The following SNAP47 variants were observed in gnomAD, a reference collection of about 807,000 sequenced individuals.
The protein encoded by SNAP47 is synaptosomal-associated protein 47.
In SNAP47, 20 loss-of-function variants were observed where a neutral mutation model predicts 31.4. The ratio of observed to expected loss-of-function variants is 0.64; its 90% CI spans 0.45 to 0.93. The LOEUF (loss-of-function observed/expected upper bound fraction) is 0.93. Ranked by LOEUF, SNAP47 falls within the 40% of genes least tolerant of loss-of-function variation. SNAP47 has a pLI of 0.00. For missense variants in SNAP47, 492 were observed against 528.5 expected (o/e 0.93, Z 0.68); for synonymous variants, 194 against 213.4 (o/e 0.91, Z 0.79).
At chr1:227,728,946 G>A (rs375595714) in intron 1 of SNAP47, among the ~76,000 whole-genome samples, 1 of 152,188 alleles carries the variant, frequency 6.6e-6, no homozygotes, top group African/African-American at 2.4e-5. Flanking sequence ...CGCAGGGGAG[G>A]GGGGCGGCAG....
At chr1:227,765,819 G>A (rs971981741) in intron 3 of SNAP47, among the ~76,000 whole-genome samples, 24 of 152,160 alleles carry the variant, frequency 1.6e-4, no homozygotes, top group African/African-American at 5.6e-4. Context: ...GTGGCCCTGG[G>A]CAAGGCTGGT....
At chr1:227,753,945 T>C (rs779215525) in intron 2 of SNAP47, among the ~76,000 whole-genome samples, 43 of 152,204 alleles carry the variant, frequency 2.8e-4, no homozygotes, top group Non-Finnish European at 2.9e-5. Context: ...TTTAGCCATC[T>C]GTAGGTGGCT....
chr1:227,740,268 C>T (rs944386298), intron 1 of SNAP47, among the ~76,000 whole-genome samples: 1 of 152,178 alleles, frequency 6.6e-6, no homozygotes, highest in Non-Finnish European at 1.5e-5. Flanking sequence ...GCAGGGAGGC[C>T]GCAGGTCCTG....
At chr1:227,754,177 C>G (rs1397542032) in intron 2 of SNAP47, among the ~76,000 whole-genome samples, 1 of 152,236 alleles carries the variant, frequency 6.6e-6, no homozygotes, top group Non-Finnish European at 1.5e-5. Context: ...CTGGGCTCTC[C>G]TCCAACTGCC....
At chr1:227,774,528 C>T (rs1664037543) in intron 4 of SNAP47, among the ~76,000 whole-genome samples, 1 of 152,200 alleles carries the variant, frequency 6.6e-6, no homozygotes, top group South Asian at 2.1e-4. Context: ...TTCCTGTCCC[C>T]TCCATGCACA....
chr1:227,773,554 G>C (rs1390612584), intron 4 of SNAP47, among the ~76,000 whole-genome samples: 8 of 152,206 alleles, frequency 5.3e-5, no homozygotes, highest in Admixed American at 5.2e-4. Flanking sequence ...TCATGCCTAA[G>C]CCTTCACGCT....
At chr1:227,750,867 A>G (rs1662302850) in intron 2 of SNAP47, among the ~76,000 whole-genome samples, 2 of 152,306 alleles carry the variant, frequency 1.3e-5, no homozygotes, top group Middle Eastern at 3.4e-3. Context: ...GTGTGGCCAC[A>G]TGGCATCAGT....
intron 4 of SNAP47, among the ~76,000 whole-genome samples, chr1:227,769,804 G>A (rs531073508): frequency 7.9e-5 from 12 of 152,334 alleles, no homozygotes; most frequent in Non-Finnish European, 1.5e-4. Context: ...GAATCCACTA[G>A]GGCCCACGCC....
upstream of SNAP47, chr1:227,733,162 G>T: frequency 9.5e-7 from 1 of 1,055,800 alleles, no homozygotes; most frequent in East Asian, 2.6e-5. Flanking sequence ...TCCCAGCAGG[G>T]CTTGCTCAGC....
chr1:227,749,063 T>C (rs1572004925), intron 2 of SNAP47, among the ~76,000 whole-genome samples: 1 of 152,368 alleles, frequency 6.6e-6, no homozygotes, highest in East Asian at 1.9e-4. Context: ...CTTAGAACTC[T>C]TTTGTGTTCC....
intron 2 of SNAP47, among the ~76,000 whole-genome samples, chr1:227,750,309 C>T (rs893845811): frequency 1.3e-5 from 2 of 152,226 alleles, no homozygotes; most frequent in African/African-American, 2.4e-5. Context: ...CTCTGTTTCT[C>T]GGATCAGTTC....
rs753354983 is a variant in SNAP47, at chr1:227,759,406, G to A, written c.909G>A (p.Glu303=). The change falls in exon 3 of 5, where the codon GAG becomes GAA. Residue 303 remains glutamate (E), a synonymous_variant. Transcript: ENST00000617596. Reference sequence around the variant, plus strand: ...AAGTGCAGTTCAGCAAGAAGATGGAGCTGTTAGAAGATGCATTGGTGCTCA... The same window carrying A: ...AAGTGCAGTTCAGCAAGAAGATGGAACTGTTAGAAGATGCATTGGTGCTCA... ...ILEVQFSKKM[E]LLEDALVLRS... 3.1e-6 allele frequency: 5 copies of A among 1,614,236 alleles called. No individual in the cohort carries two copies. Among genetic ancestry groups the A allele is most frequent in the Non-Finnish European group, 4.2e-6 (5 of 1,180,042 alleles).
At chr1:227,733,130 C>T, upstream of SNAP47, 1 of 1,298,390 alleles carries the variant, frequency 7.7e-7, no homozygotes, top group South Asian at 1.3e-5. Context: ...CAGCCCTCTG[C>T]AGCCAAGAGG....
chr1:227,746,050 T>A (rs1329361828), intron 1 of SNAP47: 2 of 152,274 alleles, frequency 1.3e-5, no homozygotes, highest in African/African-American at 4.8e-5. Flanking sequence ...CAGTCAAGGC[T>A]GCCACCTCAG....
intron 1 of SNAP47, among the ~76,000 whole-genome samples, chr1:227,744,286 CGAGCAATGA>C (rs1661813363): frequency 6.6e-6 from 1 of 151,534 alleles, no homozygotes; most frequent in South Asian, 2.1e-4. Context: ...TCAGTTCACA[CGAGCAATGA>C]GAGCTGGTGA....
intron 1 of SNAP47, among the ~76,000 whole-genome samples, chr1:227,739,487 G>C (rs1032434032): frequency 2.6e-5 from 4 of 152,224 alleles, no homozygotes; most frequent in African/African-American, 9.6e-5. Flanking sequence ...GGTCTGAGGA[G>C]CAGGGGAGGG....
chr1:227,766,206 T>C (rs1409700764), intron 3 of SNAP47, among the ~76,000 whole-genome samples: 2 of 152,146 alleles, frequency 1.3e-5, no homozygotes, highest in Non-Finnish European at 2.9e-5. Context: ...GCAGCTGCAC[T>C]CTCCCTGCCT....
upstream of SNAP47, among the ~76,000 whole-genome samples, chr1:227,729,998 T>C (rs2102851771): frequency 6.6e-6 from 1 of 152,282 alleles, no homozygotes; most frequent in South Asian, 2.1e-4. Flanking sequence ...ACAGCCATTG[T>C]CCCCACACTT....
chr1:227,741,055 A>T lies in SNAP47; in HGVS notation c.-46+5556A>T. 7.1e-6 allele frequency among the ~76,000 whole-genome samples: 1 copy of T among 141,832 alleles called. No individual in the cohort carries two copies. Among genetic ancestry groups the T allele is most frequent in the East Asian group, 2.0e-4 (1 of 4,888 alleles). The allele number at this position is 141,832 out of a possible 152,430, so 93.0% of individuals were successfully genotyped here. ...TGTGAAGTTGGGTTGCCCGTTAGGG[A>T]TGGGGGCAGATACCCAGCAGGTGAT... On this transcript the variant is annotated intron_variant, in intron 1 of 4. Coordinates refer to ENST00000617596, the MANE Select transcript of SNAP47 (RefSeq NM_053052.4). The surrounding 1 kb of genome is among the most constrained non-coding windows in gnomAD (Gnocchi z 4.2).
Sources: allele counts gnomAD v4.1 joint callset (sites outside exome capture counted in the v4.1 genomes callset), GRCh38; gene constraint gnomAD v4.1.1; non-coding constraint Gnocchi (gnomAD v3.1); transcripts MANE v1.5; gene names NCBI Gene and HGNC (gene_info 2026-07-23, HGNC 2026-07-21).